KDM4C: variants seen among roughly 807,000 people sequenced by gnomAD.
The protein encoded by KDM4C is lysine demethylase 4C, also known as lysine-specific demethylase 4C.
A neutral mutation model predicts 129.3 loss-of-function variants in KDM4C; 81 were observed. The observed-to-expected ratio is 0.63, with a 90% CI of 0.52 to 0.75. KDM4C has a LOEUF of 0.75. KDM4C is among the 30% of genes least tolerant of loss of function. The pLI is 0.00. For missense variants in KDM4C, 1,457 were observed against 1,304.0 expected (o/e 1.12, Z -1.81); for synonymous variants, 573 against 456.1 (o/e 1.26, Z -3.26).
At chr9:6,732,978 A>G (rs1817403199) in intron 1 of KDM4C, among the ~76,000 whole-genome samples, 1 of 151,714 alleles carries the variant, frequency 6.6e-6, no homozygotes, top group Non-Finnish European at 1.5e-5. Flanking sequence ...ATGCCATTGC[A>G]CTCCAGCCTG....
At chr9:7,012,431 C>G (rs553093918) in intron 13 of KDM4C, among the ~76,000 whole-genome samples, 268 of 152,214 alleles carry the variant, frequency 1.8e-3, no homozygotes, top group Non-Finnish European at 2.7e-3. Flanking sequence ...TTAAAGCTTA[C>G]AAATAGTAGA....
chr9:6,912,856 TAAAG>T (rs1050016159), intron 8 of KDM4C, among the ~76,000 whole-genome samples: 7 of 152,204 alleles, frequency 4.6e-5, no homozygotes, highest in African/African-American at 7.2e-5. Context: ...CTACTTTTGA[TAAAG>T]AAATAAGGAA....
intron 5 of KDM4C, among the ~76,000 whole-genome samples, chr9:6,858,084 G>C (rs929918365): frequency 3.3e-5 from 5 of 151,976 alleles, no homozygotes; most frequent in Non-Finnish European, 7.4e-5. Context: ...GCTTCCCAAA[G>C]TCCTGGATTA....
At chr9:6,989,572 A>G (rs1466471463) in intron 11 of KDM4C, among the ~76,000 whole-genome samples, 1 of 152,214 alleles carries the variant, frequency 6.6e-6, no homozygotes, top group Non-Finnish European at 1.5e-5. Flanking sequence ...TCATTAAAAA[A>G]AGAGAATACT....
intron 4 of KDM4C, among the ~76,000 whole-genome samples, chr9:6,820,900 G>T (rs112404348): frequency 0.055 from 8,191 of 147,706 alleles, 784 homozygotes; most frequent in African/African-American, 0.19. Flanking sequence ...GCCCCAGTGT[G>T]TGATGTTCCC....
intron 7 of KDM4C, among the ~76,000 whole-genome samples, chr9:6,890,927 C>G (rs10975874): frequency 0.059 from 9,054 of 152,304 alleles, 501 homozygotes; most frequent in East Asian, 0.27. Context: ...AAGCCTGTCT[C>G]TGCTGCCAGG....
intron 19 of KDM4C, among the ~76,000 whole-genome samples, chr9:7,143,166 T>G (rs1416544891): frequency 1.3e-5 from 2 of 152,226 alleles, no homozygotes; most frequent in Non-Finnish European, 2.9e-5. Flanking sequence ...CCACTTACCC[T>G]GGGAGCCCCA....
At chr9:6,942,162 A>G (rs1286668601) in intron 8 of KDM4C, among the ~76,000 whole-genome samples, 1 of 152,188 alleles carries the variant, frequency 6.6e-6, no homozygotes, top group African/African-American at 2.4e-5. Context: ...AATAACTTTA[A>G]GATAAAACTG....
intron 15 of KDM4C, among the ~76,000 whole-genome samples, chr9:7,020,748 A>G (rs1195223033): frequency 6.6e-6 from 1 of 152,224 alleles, no homozygotes; most frequent in Non-Finnish European, 1.5e-5. Flanking sequence ...CATGCAGTAC[A>G]TAATAACCAC....
intron 4 of KDM4C, among the ~76,000 whole-genome samples, chr9:6,816,830 T>G (rs1832189796): frequency 6.7e-6 from 1 of 148,620 alleles, no homozygotes; most frequent in Admixed American, 6.9e-5. Context: ...ACACTTCTTT[T>G]TTGTCATGCT....
At chr9:6,959,055 A>G (rs578052628) in intron 8 of KDM4C, among the ~76,000 whole-genome samples, 1 of 152,346 alleles carries the variant, frequency 6.6e-6, no homozygotes, top group East Asian at 1.9e-4. Flanking sequence ...AGCCTAGAAT[A>G]AAACATTTAT....
intron 4 of KDM4C, among the ~76,000 whole-genome samples, chr9:6,820,060 TAAGAG>T (rs1832761589): frequency 6.6e-6 from 1 of 152,098 alleles, no homozygotes. Flanking sequence ...TATGGGGAGA[TAAGAG>T]AAGTAATTTG....
intron 1 of KDM4C, among the ~76,000 whole-genome samples, chr9:6,781,452 C>T (rs1588220587): frequency 6.6e-6 from 1 of 151,924 alleles, no homozygotes; most frequent in Non-Finnish European, 1.5e-5. Context: ...TTGTTGCCAA[C>T]AGCACTGTAA....
intron 1 of KDM4C, among the ~76,000 whole-genome samples, chr9:6,752,072 G>A (rs1354688766): frequency 2.7e-5 from 4 of 150,524 alleles, no homozygotes; most frequent in Non-Finnish European, 5.9e-5. Context: ...GGTGGCTCAC[G>A]CCTGTAATCC....
At chr9:6,734,111 T>C (rs971485064) in intron 1 of KDM4C, among the ~76,000 whole-genome samples, 1 of 152,068 alleles carries the variant, frequency 6.6e-6, no homozygotes, top group African/African-American at 2.4e-5. Flanking sequence ...TACCAGCCCC[T>C]ATTCAAGATG....
intron 12 of KDM4C, among the ~76,000 whole-genome samples, chr9:6,999,337 A>AT (rs142835684): frequency 3.2e-5 from 4 of 126,404 alleles, no homozygotes; most frequent in East Asian, 2.4e-4. Context: ...GAAATTACAA[A>AT]TTTTTTTAAA....
chr9:7,153,893 C>CT (rs1314635296), intron 19 of KDM4C, among the ~76,000 whole-genome samples: 1 of 152,220 alleles, frequency 6.6e-6, no homozygotes, highest in Non-Finnish European at 1.5e-5. Context: ...GACACACTGC[C>CT]TCCCCTTATG....
intron 8 of KDM4C, among the ~76,000 whole-genome samples, chr9:6,971,368 A>G (rs1831957842): frequency 6.6e-6 from 1 of 152,210 alleles, no homozygotes; most frequent in South Asian, 2.1e-4. Flanking sequence ...AGTGCCTGTG[A>G]ATATGAGGAA....
chr9:6,923,150 C>T (rs999755314), intron 8 of KDM4C, among the ~76,000 whole-genome samples: 3 of 152,080 alleles, frequency 2.0e-5, no homozygotes, highest in African/African-American at 7.2e-5. Context: ...ACTGCCTCCT[C>T]CCCACTTCAC....
Sources: gnomAD v4.1 joint callset for allele counts (sites outside exome capture counted in the v4.1 genomes callset) on GRCh38, gnomAD v4.1.1 for gene constraint, MANE v1.5 for transcripts, NCBI Gene and HGNC (gene_info 2026-07-23, HGNC 2026-07-21) for gene names.